FHOD1: variants seen among roughly 807,000 people sequenced by gnomAD.
FHOD1 encodes the protein formin homology 2 domain containing 1.
In FHOD1, 89 loss-of-function variants were observed where a neutral mutation model predicts 111.6. That is an observed-to-expected ratio of 0.80 (90% confidence interval 0.67 to 0.95). The LOEUF (loss-of-function observed/expected upper bound fraction) is 0.95, where lower values mean the gene tolerates loss of function less well. Ranked by LOEUF, FHOD1 falls within the 40% of genes least tolerant of loss-of-function variation. The probability of loss-of-function intolerance (pLI) is 0.00; values close to 1 mark genes in which losing one functional copy is unlikely to be tolerated. For synonymous variants in FHOD1, 618 were observed against 639.0 expected (o/e 0.97, Z 0.50); for missense variants, 1,446 against 1,554.2 (o/e 0.93, Z 1.17).
intron 1 of FHOD1, among the ~76,000 whole-genome samples, chr16:67,243,650 C>T (rs572615180): frequency 5.5e-4 from 83 of 152,210 alleles, no homozygotes; most frequent in Admixed American, 2.7e-3. Flanking sequence ...GCGGATGGGC[C>T]CTGGAAATGC....
rs375932243 is a variant in FHOD1, at chr16:67,232,064, A to G, written c.2177T>C (p.Phe726Ser). 4 of 1,614,106 alleles carry G rather than the reference A, an allele frequency of 2.5e-6. No individual in the cohort carries two copies. The highest frequency in any genetic ancestry group is 2.7e-5 in the African/African-American group (2 of 74,938). The change falls in exon 14 of 22, where the codon TTT becomes TCT. Residue 726 changes from phenylalanine (F) to serine (S), a missense_variant. Around this residue, in one of 3 missense-constraint regions of FHOD1, gnomAD observed 1,085 missense variants for 1,108.8 expected, o/e 0.98. Coordinates refer to ENST00000258201, the MANE Select transcript of FHOD1 (RefSeq NM_013241.3). Reference protein sequence around the residue: ...IKAALLNFDEFAVSKDGIEKL... With the variant: ...IKAALLNFDESAVSKDGIEKL... Reference sequence around the variant, plus strand: ...CTCAATGCCATCCTTGCTGACAGCAAACTCATCAAAGTTGAGCAGAGCAGC... The same window carrying G: ...CTCAATGCCATCCTTGCTGACAGCAGACTCATCAAAGTTGAGCAGAGCAGC...
chr16:67,238,508 GAT>G lies in FHOD1; in HGVS notation c.374-63_374-62del, dbSNP rs755947258. 3 of 1,457,300 alleles carry G rather than the reference GAT, an allele frequency of 2.1e-6. No individual in the cohort carries two copies. Among genetic ancestry groups the G allele is most frequent in the African/African-American group, 2.8e-5 (2 of 71,936 alleles). The allele number at this position is 1,457,300 out of a possible 1,614,324, so 90.3% of individuals were successfully genotyped here. A position where few individuals can be genotyped will look rare whatever the true frequency, so the allele number is the denominator to read the frequency against. ...CAGACTCACTGTCTTCCTCTGCTTG[GAT>G]ACAACCACAACTCTCCACCAAAGAA... On this transcript the variant is annotated intron_variant, in intron 3 of 21. Transcript: ENST00000258201. The surrounding 1 kb of genome is among the most constrained non-coding windows in gnomAD (Gnocchi z 4.2).
chr16:67,247,170 G>GA (rs750671021), intron 1 of FHOD1, 40 bp downstream of exon 1: 1 of 1,487,794 alleles, frequency 6.7e-7, no homozygotes, highest in Admixed American at 2.3e-5. Flanking sequence ...CGCCCACCCT[G>GA]AACCCCCGAT....
In FHOD1 at chr16:67,236,607, G is replaced by A. The variant is rs2034485883; in HGVS notation, c.1269C>T (p.Thr423=). ...TGTCAGCTGAGGGTGCCACAGAGATGGTAGGAAAAAGGTTCACTGAAGCTT... is the reference window on the plus strand; with the variant it reads ...TGTCAGCTGAGGGTGCCACAGAGATAGTAGGAAAAAGGTTCACTGAAGCTT... The part of the protein sequence containing the change: ...GLQASVNLFP[T]ISVAPSADTS... Residue 423 remains threonine (T), a synonymous_variant, in exon 11 of 22, where the codon ACC becomes ACT. Transcript: ENST00000258201. The A allele has an allele frequency of 1.9e-6, 3 of 1,613,640 alleles. No homozygotes were observed. The highest frequency in any genetic ancestry group is 3.3e-5 in the Admixed American group (2 of 59,958).
intron 1 of FHOD1, 85 bp downstream of exon 1, chr16:67,247,125 T>C: frequency 7.2e-7 from 1 of 1,383,630 alleles, no homozygotes; most frequent in Non-Finnish European, 9.5e-7. Context: ...CGCTCCAGCC[T>C]CTTCCCGCGG....
rs1438621791 is a variant in FHOD1 at position 67,237,142 on chromosome 16, A to T, written c.994-28T>A. 1 of 1,603,830 alleles carries T rather than the reference A, an allele frequency of 6.2e-7. No individual in the cohort carries two copies. Among genetic ancestry groups the T allele is most frequent in the Non-Finnish European group, 8.5e-7 (1 of 1,174,154 alleles). ...AGCAGAGGCGGACCAGGATGTAAGA[A>T]AGTGGTTAACGTGTATGCAGGTGGG... On this transcript the variant is annotated intron_variant, in intron 9 of 21. Coordinates refer to ENST00000258201, the MANE Select transcript of FHOD1 (RefSeq NM_013241.3). The surrounding 1 kb of genome is among the most constrained non-coding windows in gnomAD (Gnocchi z 5.6).
chr16:67,233,162 C>T (rs2034343623), intron 13 of FHOD1, among the ~76,000 whole-genome samples: 1 of 151,978 alleles, frequency 6.6e-6, no homozygotes, highest in Non-Finnish European at 1.5e-5. Context: ...TCTCGACTCA[C>T]TGCAACCTCT....
At chr16:67,236,022 C>T in intron 11 of FHOD1, 3 of 984,876 alleles carry the variant, frequency 3.0e-6, no homozygotes, top group Non-Finnish European at 3.6e-6. Flanking sequence ...TTACTCCAGC[C>T]TGGCCTGCCC....
At position 67,231,320 on chromosome 16, in the gene FHOD1, C is replaced by T. The variant is rs1164149622; in HGVS notation, c.2535G>A (p.Glu845=). The change falls in exon 17 of 22, where the codon GAG becomes GAA. Residue 845 remains glutamate, a synonymous_variant. Coordinates refer to ENST00000258201, the MANE Select transcript of FHOD1 (RefSeq NM_013241.3). The surrounding 1 kb of genome is among the most constrained non-coding windows in gnomAD (Gnocchi z 4.3). ...QSSGFELSYL[E]KVSEVKDTVR... is the part of the protein sequence containing the mutation. ...CCGTGTCCTTCACCTCTGACACCTT[C>T]TCCAGGTAGCTCAGCTCAAAGCCGC... The T allele has an allele frequency of 4.3e-6, 7 of 1,614,062 alleles. No individual in the cohort carries two copies. Among genetic ancestry groups the T allele is most frequent in the East Asian group, 4.5e-5 (2 of 44,896 alleles).
At chr16:67,234,550 A>T in intron 11 of FHOD1, 78 bp from the exon 12 acceptor site, 1 of 1,266,140 alleles carries the variant, frequency 7.9e-7, no homozygotes, top group African/African-American at 1.5e-5. Context: ...GCCCCTGGAC[A>T]CCACCCCCAA....
At position 67,238,721 on chromosome 16, in the gene FHOD1, C is replaced by T; in HGVS notation, c.373+182G>A. 1 of 685,324 alleles carries T rather than the reference C, an allele frequency of 1.5e-6. No homozygotes were observed. Among genetic ancestry groups the T allele is most frequent in the East Asian group, 2.7e-5 (1 of 36,808 alleles). 42.5% of individuals were successfully genotyped at this position (685,324 alleles called of 1,614,324 possible). On this transcript the variant is annotated intron_variant, in intron 3 of 21. Transcript: ENST00000258201. The surrounding 1 kb of genome is among the most constrained non-coding windows in gnomAD (Gnocchi z 4.2). ...CATGAGCTACCACGCCTGGTCTATT[C>T]TAACATTCTTGAATCCCCCTCCACT...
In FHOD1 at chr16:67,234,619, A is replaced by AC. The variant is rs879908004; in HGVS notation, c.1320-148dup. 1,046 of 601,396 alleles carry AC rather than the reference A, an allele frequency of 1.7e-3. 1 individual carries two copies. The highest frequency in any genetic ancestry group is 2.6e-3 in the South Asian group (123 of 46,874). The allele number at this position is 601,396 out of a possible 1,614,324, so 37.3% of individuals were successfully genotyped here. A position where few individuals can be genotyped will look rare whatever the true frequency, so the allele number is the denominator to read the frequency against. ...CATGCGCTGAGCAGACCAGAACCACACCCCCCCCAAGGCCAGCCCCTCTTC... is the reference window on the plus strand; with the variant it reads ...CATGCGCTGAGCAGACCAGAACCACACCCCCCCCCAAGGCCAGCCCCTCTTC... On this transcript the variant is annotated intron_variant, in intron 11 of 21. Coordinates refer to ENST00000258201, the MANE Select transcript of FHOD1 (RefSeq NM_013241.3).
chr16:67,236,009 T>A (rs2034461608), intron 11 of FHOD1: 1 of 980,526 alleles, frequency 1.0e-6, no homozygotes, highest in Non-Finnish European at 1.2e-6. Flanking sequence ...CCGGCCTCTG[T>A]ACTTACTCCA....
Position 67,230,721 on chromosome 16 carries a change from A to G in FHOD1, c.2738T>C (p.Leu913Pro). 1 of 1,613,232 alleles carries G rather than the reference A, an allele frequency of 6.2e-7. No homozygotes were observed. Among genetic ancestry groups the G allele is most frequent in the Non-Finnish European group, 8.5e-7 (1 of 1,179,656 alleles). Residue 913 changes from leucine (L) to proline (P), a missense_variant, in exon 18 of 22, where the codon CTG (leucine) becomes CCG (proline). Around this residue, in one of 3 missense-constraint regions of FHOD1, gnomAD observed 1,085 missense variants for 1,108.8 expected, o/e 0.98. Coordinates refer to ENST00000258201, the MANE Select transcript of FHOD1 (RefSeq NM_013241.3). ...ERRSRAAEES[L>P]RSLAKHELAP... The stretch of plus-strand genomic sequence containing the variant: ...CAGCTCATGCTTGGCCAAGCTCCGC[A>G]GGCTCTCCTCGGCTGCCCGGCTCCG...
In FHOD1 at chr16:67,237,061, C is replaced by T. The variant is rs759598956; in HGVS notation, c.1047G>A (p.Gly349=). 12 of 1,613,126 alleles carry T rather than the reference C, an allele frequency of 7.4e-6. No individual in the cohort carries two copies. The highest frequency in any genetic ancestry group is 1.0e-5 in the Non-Finnish European group (12 of 1,179,788). Residue 349 remains glycine (G), a synonymous_variant, in exon 10 of 22, where the codon GGG becomes GGA. Coordinates refer to ENST00000258201, the MANE Select transcript of FHOD1 (RefSeq NM_013241.3). The surrounding 1 kb of genome is among the most constrained non-coding windows in gnomAD (Gnocchi z 5.6). ...GDIEEAPGAG[G]RRERRKPSSE... is the part of the protein sequence containing the mutation. Reference sequence around the variant, plus strand: ...AAGAAGGCTTTCGTCGTTCCCGCCGCCCACCAGCGCCTGGGGCTTCTTCGA... The same window carrying T: ...AAGAAGGCTTTCGTCGTTCCCGCCGTCCACCAGCGCCTGGGGCTTCTTCGA...
chr16:67,239,421 C>G lies in FHOD1; in HGVS notation c.235G>C (p.Gly79Arg), dbSNP rs150611515. The part of the protein sequence containing the change: ...EDCALQVSPS[G>R]YYLDTELSLE... ...GACAGCTCGGTGTCCAGGTAGTATC[C>G]GGAGGGAGACACTTGCAGAGCACAA... is the stretch of plus-strand genomic sequence containing the variant. Residue 79 changes from glycine to arginine, a missense_variant, in exon 2 of 22, where the codon GGA becomes CGA. By Grantham distance (125) the Gly-to-Arg change is moderately radical. Coordinates refer to ENST00000258201, the MANE Select transcript of FHOD1 (RefSeq NM_013241.3). 6.2e-7 allele frequency: 1 copy of G among 1,614,090 alleles called. No individual in the cohort carries two copies. Among genetic ancestry groups the G allele is most frequent in the Admixed American group, 1.7e-5 (1 of 60,020 alleles).
At chr16:67,241,002 A>G (rs2034647219) in intron 1 of FHOD1, among the ~76,000 whole-genome samples, 1 of 151,990 alleles carries the variant, frequency 6.6e-6, no homozygotes. Context: ...CCTGGAGAAA[A>G]AGGGAGTCCA....
At position 67,238,961 on chromosome 16, in the gene FHOD1, C is replaced by T; in HGVS notation, c.315G>A (p.Gly105=). ...TCCGAAGGATCAGCGTGGGCTTCCG[C>T]CCTTTGCTGGAATCAAGGATCTCTG... is the stretch of plus-strand genomic sequence containing the variant. ...LEGFYEEISK[G]RKPTLILRTQ... Residue 105 remains glycine, a synonymous_variant, in exon 3 of 22, where the codon GGG becomes GGA. Transcript: ENST00000258201. The surrounding 1 kb of genome is among the most constrained non-coding windows in gnomAD (Gnocchi z 4.2). 6.2e-7 allele frequency: 1 copy of T among 1,614,140 alleles called. No homozygotes were observed. Among genetic ancestry groups the T allele is most frequent in the Non-Finnish European group, 8.5e-7 (1 of 1,180,004 alleles).
At chr16:67,230,544 C>T in intron 18 of FHOD1, 38 bp from the exon 19 acceptor site, 3 of 1,613,486 alleles carry the variant, frequency 1.9e-6, no homozygotes, top group Middle Eastern at 1.7e-4. Context: ...GTAAGTCCTG[C>T]TTATTGTCTG....
Sources: gnomAD v4.1 joint callset for allele counts (sites outside exome capture counted in the v4.1 genomes callset) on GRCh38, gnomAD v4.1.1 for gene constraint, gnomAD v4.1.1 regional missense constraint, Gnocchi (gnomAD v3.1) non-coding constraint, MANE v1.5 for transcripts, NCBI Gene and HGNC (gene_info 2026-07-23, HGNC 2026-07-21) for gene names.